Variants in FGF14 observed in about 807,000 individuals in gnomAD.
FGF14 encodes the protein fibroblast growth factor homologous factor 4.
FGF14 carries 5 observed loss-of-function variants against 25.5 expected under a neutral mutation model. The ratio of observed to expected loss-of-function variants is 0.20; its 90% CI spans 0.10 to 0.41. The LOEUF (loss-of-function observed/expected upper bound fraction) is 0.41. Ranked by LOEUF, FGF14 falls within the 10% of genes least tolerant of loss-of-function variation. The pLI is 1.00. For missense variants in FGF14, 222 were observed against 320.1 expected (o/e 0.69, Z 2.34); for synonymous variants, 138 against 118.3 (o/e 1.17, Z -1.08).
intron 1 of FGF14, among the ~76,000 whole-genome samples, chr13:102,189,280 G>T (rs2049032153): frequency 6.6e-6 from 1 of 152,152 alleles, no homozygotes; most frequent in South Asian, 2.1e-4. Flanking sequence ...GGTTTAATTG[G>T]TAGATAGTAA....
chr13:102,141,788 C>A (rs577105961), intron 1 of FGF14, among the ~76,000 whole-genome samples: 2 of 152,182 alleles, frequency 1.3e-5, no homozygotes, highest in African/African-American at 2.4e-5. Context: ...CTCTGACTTA[C>A]TGCATAAATT....
intron 1 of FGF14, among the ~76,000 whole-genome samples, chr13:102,279,655 C>T (rs2053729517): frequency 6.6e-6 from 1 of 152,046 alleles, no homozygotes; most frequent in Non-Finnish European, 1.5e-5. Flanking sequence ...GGGCACAGTG[C>T]CCAATGCATA....
chr13:102,220,980 T>C (rs2050585437), intron 1 of FGF14, among the ~76,000 whole-genome samples: 2 of 152,122 alleles, frequency 1.3e-5, no homozygotes, highest in Non-Finnish European at 2.9e-5. Flanking sequence ...AGATAACAGG[T>C]ATAAAAGTGA....
At chr13:101,770,403 G>A (rs1019704051) in intron 3 of FGF14, among the ~76,000 whole-genome samples, 3 of 151,908 alleles carry the variant, frequency 2.0e-5, no homozygotes, top group Non-Finnish European at 4.4e-5. Flanking sequence ...TTATAAGTGG[G>A]ATTCATTAAA....
At chr13:102,283,344 G>C (rs965428709) in intron 1 of FGF14, among the ~76,000 whole-genome samples, 10 of 152,144 alleles carry the variant, frequency 6.6e-5, no homozygotes, top group African/African-American at 2.4e-4. Context: ...ACTTTAAAAA[G>C]AAGAAGAAGA....
chr13:102,128,669 C>A (rs1262469948), intron 1 of FGF14, among the ~76,000 whole-genome samples: 1 of 152,134 alleles, frequency 6.6e-6, no homozygotes, highest in African/African-American at 2.4e-5. Context: ...CATTCTAGGT[C>A]ACTGGCAAAC....
At chr13:101,778,782 C>G (rs1378048545) in intron 3 of FGF14, 1 of 152,034 alleles carries the variant, frequency 6.6e-6, no homozygotes, top group African/African-American at 2.4e-5. Flanking sequence ...TAGATAGACA[C>G]TGCTTGTAAT....
At chr13:101,792,966 A>T (rs900475044) in intron 3 of FGF14, among the ~76,000 whole-genome samples, 9 of 152,178 alleles carry the variant, frequency 5.9e-5, no homozygotes, top group African/African-American at 2.2e-4. Flanking sequence ...TATTAAATCA[A>T]GCTAATTAAC....
intron 1 of FGF14, among the ~76,000 whole-genome samples, chr13:102,345,472 C>T (rs1393462449): frequency 6.6e-6 from 1 of 152,220 alleles, no homozygotes; most frequent in Non-Finnish European, 1.5e-5. Context: ...CCTCTCTCAA[C>T]CTATCTTTTT....
At chr13:101,954,320 G>A (rs188367057) in intron 1 of FGF14, among the ~76,000 whole-genome samples, 1,831 of 152,008 alleles carry the variant, frequency 0.012, 20 homozygotes, top group Middle Eastern at 0.034. Context: ...GGGCGGGGTG[G>A]GGGGGTGGTA....
At chr13:101,772,459 T>G (rs755103896) in intron 3 of FGF14, among the ~76,000 whole-genome samples, 1 of 152,136 alleles carries the variant, frequency 6.6e-6, no homozygotes, top group African/African-American at 2.4e-5. Flanking sequence ...TGATTAATTA[T>G]GTCTTGGGTT....
At chr13:101,749,439 T>A (rs74416929) in intron 3 of FGF14, among the ~76,000 whole-genome samples, 114 of 152,210 alleles carry the variant, frequency 7.5e-4, no homozygotes, top group Non-Finnish European at 1.5e-3. Flanking sequence ...ATTGTCATAT[T>A]TCATCTATGT....
intron 1 of FGF14, among the ~76,000 whole-genome samples, chr13:102,258,958 A>G (rs377212920): frequency 5.9e-5 from 9 of 152,180 alleles, no homozygotes; most frequent in African/African-American, 2.2e-4. Flanking sequence ...TAATAGATAG[A>G]TAGTTTTACC....
At chr13:102,363,112 A>G (rs2057614053) in intron 1 of FGF14, among the ~76,000 whole-genome samples, 1 of 152,234 alleles carries the variant, frequency 6.6e-6, no homozygotes, top group Non-Finnish European at 1.5e-5. Context: ...CAATGTTTTA[A>G]GCGATATACA....
At chr13:101,781,476 C>T (rs2039489112) in intron 3 of FGF14, among the ~76,000 whole-genome samples, 1 of 152,126 alleles carries the variant, frequency 6.6e-6, no homozygotes, top group Non-Finnish European at 1.5e-5. Flanking sequence ...TCAATTGTTG[C>T]ATTTTCTAAA....
chr13:102,130,644 C>G (rs2046156858), intron 1 of FGF14, among the ~76,000 whole-genome samples: 1 of 152,050 alleles, frequency 6.6e-6, no homozygotes, highest in Non-Finnish European at 1.5e-5. Context: ...ACGGTTCTAC[C>G]TATCACAGGT....
chr13:102,278,385 G>A (rs1419403446), intron 1 of FGF14, among the ~76,000 whole-genome samples: 1 of 152,106 alleles, frequency 6.6e-6, no homozygotes, highest in East Asian at 1.9e-4. Context: ...CAAGCTAAGC[G>A]CAAACAATAC....
chr13:101,853,184 C>G (rs1259497499), intron 3 of FGF14, among the ~76,000 whole-genome samples: 2 of 151,834 alleles, frequency 1.3e-5, no homozygotes, highest in African/African-American at 4.8e-5. Context: ...TGTAGGATAC[C>G]CAATCTTGGC....
chr13:102,300,194 A>C (rs1295016948), intron 1 of FGF14: 1 of 152,126 alleles, frequency 6.6e-6, no homozygotes, highest in Non-Finnish European at 1.5e-5. Context: ...TTGTTTTATA[A>C]ATGAGCAACA....
Sources: gnomAD v4.1 joint callset for allele counts (sites outside exome capture counted in the v4.1 genomes callset) on GRCh38, gnomAD v4.1.1 for gene constraint, MANE v1.5 for transcripts, NCBI Gene and HGNC (gene_info 2026-07-23, HGNC 2026-07-21) for gene names.